The following CADM2 variants were observed in gnomAD, a reference collection of about 807,000 sequenced individuals.
CADM2 encodes the protein immunoglobulin superfamily member 4D.
A neutral mutation model predicts 49.8 loss-of-function variants in CADM2; 12 were observed. The observed-to-expected ratio is 0.24, with a 90% CI of 0.15 to 0.39. The LOEUF (loss-of-function observed/expected upper bound fraction) is 0.39. Among genes scored for constraint, CADM2 ranks in the 10% least tolerant of loss-of-function variants. The pLI is 1.00. For synonymous variants in CADM2, 214 were observed against 175.4 expected, an observed-to-expected ratio of 1.22 and a Z score of -1.74; for missense variants, 378 against 492.3, an observed-to-expected ratio of 0.77 and a Z score of 2.20.
chr3:85,394,100 T>C (rs1188194683), intron 1 of CADM2, among the ~76,000 whole-genome samples: 6 of 152,160 alleles, frequency 3.9e-5, no homozygotes. Flanking sequence ...TGGCCTGAAA[T>C]AGTTACTTTT....
At chr3:85,598,961 A>C (rs991583209) in intron 1 of CADM2, among the ~76,000 whole-genome samples, 1 of 152,002 alleles carries the variant, frequency 6.6e-6, no homozygotes, top group South Asian at 2.1e-4. Context: ...ATGAAAGAAA[A>C]TGCCCATTTT....
At chr3:85,173,340 TC>T (rs2040686854) in intron 1 of CADM2, among the ~76,000 whole-genome samples, 2 of 152,200 alleles carry the variant, frequency 1.3e-5, no homozygotes, top group African/African-American at 4.8e-5. Context: ...ATAATGATTT[TC>T]ATGTGACTGT....
At chr3:85,476,517 TG>T (rs1483542725) in intron 1 of CADM2, among the ~76,000 whole-genome samples, 1 of 151,882 alleles carries the variant, frequency 6.6e-6, no homozygotes, top group African/African-American at 2.4e-5. Context: ...GCCTCTATTT[TG>T]TTTCTAATTC....
intron 1 of CADM2, among the ~76,000 whole-genome samples, chr3:85,500,389 A>G (rs1480276715): frequency 6.6e-6 from 1 of 152,172 alleles, no homozygotes; most frequent in Non-Finnish European, 1.5e-5. Context: ...TTGATTATAA[A>G]TGATATATTA....
chr3:86,005,557 A>T (rs979468641), intron 8 of CADM2, among the ~76,000 whole-genome samples: 36 of 147,866 alleles, frequency 2.4e-4, no homozygotes, highest in Non-Finnish European at 5.1e-4. Flanking sequence ...GTCTCATATA[A>T]AAAAAAAAAA....
At chr3:85,445,300 A>G (rs1046894598) in intron 1 of CADM2, among the ~76,000 whole-genome samples, 6 of 152,252 alleles carry the variant, frequency 3.9e-5, no homozygotes, top group Non-Finnish European at 7.4e-5. Flanking sequence ...TTAACTTACT[A>G]ATAAAATACT....
At chr3:85,370,262 T>A (rs922810258) in intron 1 of CADM2, among the ~76,000 whole-genome samples, 1 of 106,038 alleles carries the variant, frequency 9.4e-6, no homozygotes, top group African/African-American at 3.3e-5. Flanking sequence ...AATAATAAAA[T>A]TTTAAAAAAT....
chr3:85,630,134 A>G (rs1466392597), intron 1 of CADM2, among the ~76,000 whole-genome samples: 2 of 151,984 alleles, frequency 1.3e-5, no homozygotes, highest in Non-Finnish European at 2.9e-5. Flanking sequence ...ATTTATAGGT[A>G]TGTTGGCTGT....
intron 1 of CADM2, among the ~76,000 whole-genome samples, chr3:85,672,772 A>G (rs2065779872): frequency 1.3e-5 from 2 of 152,216 alleles, no homozygotes. Flanking sequence ...TGTTACAGAA[A>G]TGGTTATGTG....
chr3:85,737,054 T>C (rs1481340839), intron 2 of CADM2, among the ~76,000 whole-genome samples: 1 of 152,226 alleles, frequency 6.6e-6, no homozygotes, highest in Non-Finnish European at 1.5e-5. Context: ...TTGTTATTCT[T>C]CATTTATCTT....
At chr3:86,065,566 A>T in intron 8 of CADM2, 39 bp from the exon 9 acceptor site, 1 of 1,582,126 alleles carries the variant, frequency 6.3e-7, no homozygotes, top group South Asian at 1.2e-5. Flanking sequence ...GTGACTAAAT[A>T]ACACATTAAA....
chr3:85,999,272 G>GGGT (rs1729839005), intron 8 of CADM2, among the ~76,000 whole-genome samples: 4 of 144,918 alleles, frequency 2.8e-5, no homozygotes, highest in Admixed American at 2.1e-4. Context: ...GCCGAGGGTT[G>GGGT]GGGGGTGGAT....
intron 1 of CADM2, among the ~76,000 whole-genome samples, chr3:85,216,748 T>G (rs1317141008): frequency 6.6e-6 from 1 of 152,136 alleles, no homozygotes; most frequent in African/African-American, 2.4e-5. Context: ...AAAGGTCATA[T>G]TTATGATTAT....
chr3:85,379,175 C>T (rs985076972), intron 1 of CADM2, among the ~76,000 whole-genome samples: 1 of 151,840 alleles, frequency 6.6e-6, no homozygotes, highest in African/African-American at 2.4e-5. Context: ...ATTGTAAACT[C>T]ATTTATGTTG....
intron 8 of CADM2, among the ~76,000 whole-genome samples, chr3:85,997,775 T>C (rs1029968113): frequency 5.3e-5 from 8 of 152,192 alleles, no homozygotes; most frequent in Non-Finnish European, 1.0e-4. Context: ...GAACACACCA[T>C]CTAGAAATGC....
At chr3:85,029,854 A>G (rs1416947164) in intron 1 of CADM2, among the ~76,000 whole-genome samples, 2 of 152,228 alleles carry the variant, frequency 1.3e-5, no homozygotes, top group African/African-American at 2.4e-5. Flanking sequence ...AAGACTTTCA[A>G]TAGGACATTT....
At chr3:85,606,082 C>CTGAGCA (rs1245710737) in intron 1 of CADM2, among the ~76,000 whole-genome samples, 1 of 152,064 alleles carries the variant, frequency 6.6e-6, no homozygotes, top group Non-Finnish European at 1.5e-5. Context: ...CGAATAGAGA[C>CTGAGCA]TGAGCATGCA....
At position 85,327,554 on chromosome 3, in the gene CADM2, C is replaced by CCACACACACACACA. The variant is rs71108276; in HGVS notation, c.61+367908_61+367921dup. Among the ~76,000 whole-genome samples, 781 of 137,142 alleles carry CCACACACACACACA rather than the reference C, an allele frequency of 5.7e-3. 3 individuals are homozygous for CCACACACACACACA. The highest frequency in any genetic ancestry group is 7.7e-3 in the Non-Finnish European group (496 of 64,058). The allele number at this position is 137,142 out of a possible 152,430, so 90.0% of individuals were successfully genotyped here. Reference sequence around the variant, plus strand: ...TATAGGCATGAGCCACCATGCCCGGCCACACACACACACACACACACACAC... The same window carrying CCACACACACACACA: ...TATAGGCATGAGCCACCATGCCCGGCCACACACACACACACACACACACACACACACACACACAC... On this transcript the variant is annotated intron_variant, in intron 1 of 9. Coordinates refer to ENST00000383699, the MANE Select transcript of CADM2 (RefSeq NM_001167675.2).
chr3:85,330,697 C>T (rs1240363481), intron 1 of CADM2, among the ~76,000 whole-genome samples: 2 of 151,152 alleles, frequency 1.3e-5, no homozygotes, highest in Admixed American at 6.6e-5. Flanking sequence ...TGGCTCATGC[C>T]TATAATTCCA....
Sources: allele counts gnomAD v4.1 joint callset (sites outside exome capture counted in the v4.1 genomes callset), GRCh38; gene constraint gnomAD v4.1.1; transcripts MANE v1.5; gene names NCBI Gene and HGNC (gene_info 2026-07-23, HGNC 2026-07-21).